The following PDE7B variants were observed in gnomAD, a reference collection of about 807,000 sequenced individuals.
PDE7B encodes phosphodiesterase 7B, also known as 3',5'-cyclic-AMP phosphodiesterase 7B.
A neutral mutation model predicts 56.2 loss-of-function variants in PDE7B; 29 were observed. The ratio of observed to expected loss-of-function variants is 0.52; its 90% CI spans 0.38 to 0.70. PDE7B has a LOEUF of 0.70. Among genes scored for constraint, PDE7B ranks in the 30% least tolerant of loss-of-function variants. PDE7B has a pLI of 0.00. For synonymous variants in PDE7B, 197 were observed against 196.9 expected, an observed-to-expected ratio of 1.00 and a Z score of 0.00; for missense variants, 490 against 565.0, an observed-to-expected ratio of 0.87 and a Z score of 1.35.
At chr6:135,926,497 C>G (rs1175424215) in intron 1 of PDE7B, among the ~76,000 whole-genome samples, 2 of 151,488 alleles carry the variant, frequency 1.3e-5, no homozygotes, top group Non-Finnish European at 2.9e-5. Context: ...GTGGGGGGGG[C>G]TTAGCAAAAC....
chr6:135,944,381 G>A (rs1184572247), intron 1 of PDE7B, among the ~76,000 whole-genome samples: 1 of 152,110 alleles, frequency 6.6e-6, no homozygotes, highest in African/African-American at 2.4e-5. Flanking sequence ...GCATCAACAG[G>A]AAAAAGCACT....
At chr6:135,899,884 T>C (rs1391731766) in intron 1 of PDE7B, among the ~76,000 whole-genome samples, 1 of 151,872 alleles carries the variant, frequency 6.6e-6, no homozygotes, top group East Asian at 1.9e-4. Flanking sequence ...TGTCTGGATA[T>C]ATGATTTTTT....
intron 4 of PDE7B, among the ~76,000 whole-genome samples, chr6:136,148,366 A>G (rs144675863): frequency 6.7e-6 from 1 of 149,304 alleles, no homozygotes; most frequent in African/African-American, 2.5e-5. Context: ...AAAAAGAAAG[A>G]AGGAAAGAAA....
chr6:136,190,160 T>A (rs891271831), intron 12 of PDE7B, among the ~76,000 whole-genome samples: 3 of 152,204 alleles, frequency 2.0e-5, no homozygotes, highest in Non-Finnish European at 4.4e-5. Flanking sequence ...AAATTAAATA[T>A]GGAGATTGTG....
intron 3 of PDE7B, among the ~76,000 whole-genome samples, chr6:136,144,006 G>A (rs1348119610): frequency 6.6e-6 from 1 of 151,662 alleles, no homozygotes; most frequent in African/African-American, 2.4e-5. Context: ...TTTGAGATGG[G>A]GGAATTTTAA....
intron 3 of PDE7B, among the ~76,000 whole-genome samples, chr6:136,133,634 T>C (rs1479440958): frequency 6.6e-6 from 1 of 152,206 alleles, no homozygotes; most frequent in Non-Finnish European, 1.5e-5. Context: ...CTTCTTTCAG[T>C]AAACACCTTT....
intron 2 of PDE7B, among the ~76,000 whole-genome samples, chr6:136,028,205 A>G (rs1382983436): frequency 6.6e-6 from 1 of 152,246 alleles, no homozygotes; most frequent in Non-Finnish European, 1.5e-5. Flanking sequence ...AGCCTCTGCA[A>G]TCCAAAATAA....
At chr6:136,173,318 G>C (rs1418902354) in intron 8 of PDE7B, among the ~76,000 whole-genome samples, 1 of 152,074 alleles carries the variant, frequency 6.6e-6, no homozygotes, top group Non-Finnish European at 1.5e-5. Context: ...TAGATCAATG[G>C]AACAGAACAG....
intron 1 of PDE7B, among the ~76,000 whole-genome samples, chr6:135,892,395 G>A (rs1554264439): frequency 6.6e-6 from 1 of 152,106 alleles, no homozygotes; most frequent in Non-Finnish European, 1.5e-5. Context: ...CACAGTACTA[G>A]CATAATGCAT....
chr6:136,168,372 A>G lies in PDE7B; in HGVS notation c.712-5425A>G, dbSNP rs114142362. 6.1e-3 allele frequency among the ~76,000 whole-genome samples: 924 copies of G among 152,226 alleles called. 7 individuals are homozygous for G. The highest frequency in any genetic ancestry group is 0.021 in the African/African-American group (888 of 41,534). ...TCCGTTGTGGGGTTTGGAACAGGGA[A>G]CTGGGGCAGGTGGATAGCATGATCA... On this transcript the variant is annotated intron_variant, in intron 8 of 12. Transcript: ENST00000308191.
chr6:136,012,053 T>C (rs189283974), intron 2 of PDE7B, among the ~76,000 whole-genome samples: 2 of 152,304 alleles, frequency 1.3e-5, no homozygotes, highest in Admixed American at 6.5e-5. Flanking sequence ...AAAAGGCTCC[T>C]GAACAACCCC....
chr6:135,971,031 GT>G (rs1440772349), intron 2 of PDE7B, among the ~76,000 whole-genome samples: 2 of 152,096 alleles, frequency 1.3e-5, no homozygotes, highest in Non-Finnish European at 2.9e-5. Context: ...ATTGAGTTGT[GT>G]CCTGCCAAGA....
intron 2 of PDE7B, among the ~76,000 whole-genome samples, chr6:135,991,339 CTAATTAGGTTGAT>C (rs1775475846): frequency 6.6e-6 from 1 of 152,106 alleles, no homozygotes. Context: ...CATGTGTTGA[CTAATTAGGTTGAT>C]TGGTCCTTCC....
chr6:136,102,310 G>A (rs771834013), intron 2 of PDE7B, among the ~76,000 whole-genome samples: 4 of 152,156 alleles, frequency 2.6e-5, no homozygotes, highest in African/African-American at 9.7e-5. Flanking sequence ...AATATCCATC[G>A]GAAGAATGGT....
chr6:136,119,173 A>G lies in PDE7B; in HGVS notation c.166+10359A>G, dbSNP rs1583890991. On this transcript the variant is annotated intron_variant, in intron 3 of 12. Transcript: ENST00000308191. ...TTATTTCCTGTCGTGCAAACCATGA[A>G]TCGCTGAAAGAAACAATTTCTCAAA... Among the ~76,000 whole-genome samples, 4 of 152,336 alleles carry G rather than the reference A, an allele frequency of 2.6e-5. 1 individual carries two copies. In the Middle Eastern group the frequency reaches 0.014, roughly 518 times the overall value.
intron 2 of PDE7B, among the ~76,000 whole-genome samples, chr6:135,949,317 G>A (rs1392694859): frequency 6.6e-6 from 1 of 152,006 alleles, no homozygotes; most frequent in Non-Finnish European, 1.5e-5. Context: ...AACAGTAAGA[G>A]ACTTTCTACT....
chr6:136,134,706 C>CTGAACCCCGGATGTCAGAG (rs1778179939), intron 3 of PDE7B, among the ~76,000 whole-genome samples: 1 of 145,248 alleles, frequency 6.9e-6, no homozygotes, highest in African/African-American at 2.6e-5. Flanking sequence ...AGATTCAACC[C>CTGAACCCCGGATGTCAGAG]ATTCGTTGGG....
At chr6:136,127,471 G>A (rs533112151) in intron 3 of PDE7B, among the ~76,000 whole-genome samples, 55 of 152,184 alleles carry the variant, frequency 3.6e-4, no homozygotes, top group African/African-American at 1.1e-3. Flanking sequence ...TGTCTTAAAC[G>A]TAAGAGATGA....
chr6:135,926,370 A>G (rs1438867992), intron 1 of PDE7B, among the ~76,000 whole-genome samples: 1 of 152,114 alleles, frequency 6.6e-6, no homozygotes, highest in African/African-American at 2.4e-5. Context: ...TACAGGCGTG[A>G]GCCACCATGC....
Sources: allele counts gnomAD v4.1 joint callset (sites outside exome capture counted in the v4.1 genomes callset), GRCh38; gene constraint gnomAD v4.1.1; transcripts MANE v1.5; gene names NCBI Gene and HGNC (gene_info 2026-07-23, HGNC 2026-07-21).